Variants in PID1 observed in about 807,000 individuals in gnomAD.
PID1 encodes the protein phosphotyrosine interaction domain containing 1, also known as PTB-containing, cubilin and LRP1-interacting protein.
In PID1, 10 loss-of-function variants were observed where a neutral mutation model predicts 19.1. The ratio of observed to expected loss-of-function variants is 0.52; its 90% confidence interval spans 0.32 to 0.89. The LOEUF (loss-of-function observed/expected upper bound fraction) is 0.89, where lower values mean the gene tolerates loss of function less well. Ranked by LOEUF, PID1 falls within the 40% of genes least tolerant of loss-of-function variation. PID1 has a pLI of 0.03. For missense variants in PID1, 248 were observed against 285.3 expected (o/e 0.87, Z 0.94); for synonymous variants, 130 against 116.0 (o/e 1.12, Z -0.78).
At chr2:229,218,861 A>G (rs1174231712) in intron 1 of PID1, among the ~76,000 whole-genome samples, 1 of 152,228 alleles carries the variant, frequency 6.6e-6, no homozygotes, top group Non-Finnish European at 1.5e-5. Context: ...TTTACTCAAC[A>G]GAAACCCTCT....
rs113448351 is a variant in PID1 at position 229,025,406 on chromosome 2, C to G, written c.*226G>C. The G allele has an allele frequency of 2.8e-4, 158 of 554,946 alleles. No individual in the cohort carries two copies. Among genetic ancestry groups the G allele is most frequent in the African/African-American group, 2.7e-3 (145 of 53,114 alleles). 34.4% of individuals were successfully genotyped at this position (554,946 alleles called of 1,614,324 possible). A position where few individuals can be genotyped will look rare whatever the true frequency, so the allele number is the denominator to read the frequency against. Reference sequence around the variant, plus strand: ...GAGAGCCTAGAACCTTCCTCCCCATCCACACTCCCACCCTCCTCACAGTCA... The same window carrying G: ...GAGAGCCTAGAACCTTCCTCCCCATGCACACTCCCACCCTCCTCACAGTCA... On this transcript the variant is annotated 3_prime_UTR_variant, in exon 3 of 3. Transcript: ENST00000392055.
intron 2 of PID1, among the ~76,000 whole-genome samples, chr2:229,149,711 GT>G (rs1559257583): frequency 1.3e-5 from 2 of 152,188 alleles, no homozygotes; most frequent in Non-Finnish European, 2.9e-5. Context: ...GAAGATGACC[GT>G]AGCGGCTTTA....
intron 2 of PID1, among the ~76,000 whole-genome samples, chr2:229,119,480 T>G (rs753262305): frequency 2.6e-5 from 4 of 152,204 alleles, no homozygotes; most frequent in Non-Finnish European, 5.9e-5. Context: ...CTTTACCTCA[T>G]GTCATCTGTT....
chr2:229,105,945 G>A (rs1695168546), intron 2 of PID1, among the ~76,000 whole-genome samples: 2 of 152,034 alleles, frequency 1.3e-5, no homozygotes, highest in South Asian at 2.1e-4. Context: ...CAGATGTGGT[G>A]GCGCGTGCCT....
rs3217168 is a variant in PID1 at position 229,025,378 on chromosome 2, T to TAAG, written c.*251_*253dup. On this transcript the variant is annotated 3_prime_UTR_variant, in exon 3 of 3. Coordinates refer to ENST00000392055, the MANE Select transcript of PID1 (RefSeq NM_001100818.2). ...GAGAGGCATTGGGAAATGAGAAAAA[T>TAAG]AAGAGAGCCTAGAACCTTCCTCCCC... is the stretch of plus-strand genomic sequence containing the variant. The TAAG allele has an allele frequency of 0.62, 275,491 of 441,104 alleles. 89,180 individuals carry two copies. The highest frequency in any genetic ancestry group is 0.85 in the African/African-American group (42,608 of 49,988). 27.3% of individuals were successfully genotyped at this position (441,104 alleles called of 1,614,324 possible). A position where few individuals can be genotyped will look rare whatever the true frequency, so the allele number is the denominator to read the frequency against.
chr2:229,205,164 G>T (rs1435438942), intron 1 of PID1, among the ~76,000 whole-genome samples: 3 of 151,902 alleles, frequency 2.0e-5, no homozygotes, highest in African/African-American at 7.3e-5. Context: ...TCATTAAATT[G>T]CATCCTAAAC....
chr2:229,210,538 AAAAAAAAAAAAAAAAAC>A (rs1241122812), intron 1 of PID1, among the ~76,000 whole-genome samples: 2 of 147,106 alleles, frequency 1.4e-5, no homozygotes, highest in South Asian at 2.2e-4. Context: ...AAAAAAAAAA[AAAAAAAAAAAAAAAAAC>A]AACCTAGAAG....
chr2:229,249,499 C>A (rs867293117), intron 1 of PID1, among the ~76,000 whole-genome samples: 1 of 152,158 alleles, frequency 6.6e-6, no homozygotes, highest in Non-Finnish European at 1.5e-5. Flanking sequence ...ATGGTGTTGC[C>A]GGCCTTGTAT....
intron 1 of PID1, among the ~76,000 whole-genome samples, chr2:229,168,616 T>C (rs1397196405): frequency 6.6e-6 from 1 of 152,200 alleles, no homozygotes; most frequent in Non-Finnish European, 1.5e-5. Context: ...TCCAATAGTG[T>C]TTGATATATT....
intron 1 of PID1, among the ~76,000 whole-genome samples, chr2:229,222,198 A>G (rs2106259361): frequency 6.6e-6 from 1 of 152,248 alleles, no homozygotes; most frequent in African/African-American, 2.4e-5. Flanking sequence ...CTGATCTTGG[A>G]ACACTCCCCT....
In PID1 at chr2:229,199,087, G is replaced by C. The variant is rs1055039686; in HGVS notation, c.31-43123C>G. Among the ~76,000 whole-genome samples the C allele has an allele frequency of 6.8e-4, 104 of 151,854 alleles. 6 individuals are homozygous for C. The highest frequency in any genetic ancestry group is 7.4e-5 in the Non-Finnish European group (5 of 67,950). ...TGTTCTAGATACTGTGGCCAAGCTT[G>C]TTCCCAAACTGACACCCTTGCCAGT... On this transcript the variant is annotated intron_variant, in intron 1 of 2. Transcript: ENST00000392055.
At chr2:229,197,689 A>G (rs190180460) in intron 1 of PID1, among the ~76,000 whole-genome samples, 6 of 152,138 alleles carry the variant, frequency 3.9e-5, no homozygotes, top group Non-Finnish European at 7.4e-5. Context: ...ATTTCTTACT[A>G]AACCCTAACT....
intron 1 of PID1, among the ~76,000 whole-genome samples, chr2:229,185,261 A>T (rs1691102607): frequency 6.6e-6 from 1 of 151,806 alleles, no homozygotes; most frequent in Non-Finnish European, 1.5e-5. Flanking sequence ...AGCTTTTCTA[A>T]GCTCACATCC....
chr2:229,205,384 T>G (rs1691589014), intron 1 of PID1, among the ~76,000 whole-genome samples: 1 of 152,178 alleles, frequency 6.6e-6, no homozygotes, highest in Non-Finnish European at 1.5e-5. Flanking sequence ...TTTCCTAGAC[T>G]CTACTTGGCA....
chr2:229,065,712 C>CAAAA (rs71988256), intron 2 of PID1, among the ~76,000 whole-genome samples: 1,610 of 103,874 alleles, frequency 0.015, 117 homozygotes, highest in East Asian at 0.058. Flanking sequence ...TTGTGATTTA[C>CAAAA]AAAAAAAAAA....
At chr2:229,264,430 G>A (rs1248982167) in intron 1 of PID1, among the ~76,000 whole-genome samples, 1 of 152,074 alleles carries the variant, frequency 6.6e-6, no homozygotes, top group African/African-American at 2.4e-5. Flanking sequence ...TCACACCCAG[G>A]CCTCTCTAAA....
At chr2:229,263,660 T>C (rs892463854) in intron 1 of PID1, among the ~76,000 whole-genome samples, 3 of 152,208 alleles carry the variant, frequency 2.0e-5, no homozygotes, top group Non-Finnish European at 4.4e-5. Context: ...AAGTTATCTG[T>C]AGTCTCTGGA....
At chr2:229,181,458 T>G (rs1235044006) in intron 1 of PID1, among the ~76,000 whole-genome samples, 1 of 151,876 alleles carries the variant, frequency 6.6e-6, no homozygotes, top group Non-Finnish European at 1.5e-5. Context: ...TCAACGAGAA[T>G]CTTACGAGAA....
chr2:229,188,348 G>A (rs1303938120), intron 1 of PID1, among the ~76,000 whole-genome samples: 1 of 151,396 alleles, frequency 6.6e-6, no homozygotes, highest in Non-Finnish European at 1.5e-5. Context: ...AAAAGGAAAA[G>A]GCAGAGAAAG....
Sources: allele counts gnomAD v4.1 joint callset (sites outside exome capture counted in the v4.1 genomes callset), GRCh38; gene constraint gnomAD v4.1.1; transcripts MANE v1.5; gene names NCBI Gene and HGNC (gene_info 2026-07-23, HGNC 2026-07-21).